DAP3: variants seen among roughly 807,000 people sequenced by gnomAD.
The protein encoded by DAP3 is small ribosomal subunit protein mS29.
A neutral mutation model predicts 51.9 loss-of-function variants in DAP3; 28 were observed. That is an observed-to-expected ratio of 0.54 (90% CI 0.40 to 0.74). The LOEUF (loss-of-function observed/expected upper bound fraction) is 0.74, where lower values mean the gene tolerates loss of function less well. Among genes scored for constraint, DAP3 ranks in the 30% least tolerant of loss-of-function variants. DAP3 has a pLI of 0.00. For missense variants in DAP3, 458 were observed against 483.5 expected, an observed-to-expected ratio of 0.95 and a Z score of 0.49; for synonymous variants, 170 against 170.3, an observed-to-expected ratio of 1.00 and a Z score of 0.01.
intron 12 of DAP3, 74 bp from the exon 13 acceptor site, chr1:155,738,083 G>C: frequency 6.8e-7 from 1 of 1,463,826 alleles, no homozygotes; most frequent in South Asian, 1.2e-5. Flanking sequence ...GGTAGCCTCT[G>C]ACTACACGAT....
At chr1:155,722,597 C>T (rs1020837930) in intron 4 of DAP3, among the ~76,000 whole-genome samples, 1 of 151,890 alleles carries the variant, frequency 6.6e-6, no homozygotes, top group African/African-American at 2.4e-5. Flanking sequence ...CCCTTCCACA[C>T]TGTGGAAGCT....
chr1:155,706,140 C>T (rs1444479055), intron 1 of DAP3, among the ~76,000 whole-genome samples: 1 of 152,176 alleles, frequency 6.6e-6, no homozygotes, highest in Admixed American at 6.5e-5. Context: ...GCTACGACTA[C>T]AGTCCTGCAC....
intron 11 of DAP3, chr1:155,732,320 T>C (rs9426933): frequency 0.45 from 86,402 of 192,008 alleles, 22,114 homozygotes; most frequent in African/African-American, 0.72. Flanking sequence ...ACCTCCGCCT[T>C]CCGGGTTCAA....
At chr1:155,701,466 GATGCTTGAAGGCAGC>G (rs1224111483) in intron 1 of DAP3, among the ~76,000 whole-genome samples, 2 of 112,824 alleles carry the variant, frequency 1.8e-5, no homozygotes, top group African/African-American at 7.8e-5. Flanking sequence ...TTGTTAAACA[GATGCTTGAAGGCAGC>G]ATGCTCGTTA....
intron 8 of DAP3, 32 bp downstream of exon 8, chr1:155,729,154 C>A (rs375216873): frequency 1.2e-4 from 194 of 1,613,846 alleles, no homozygotes; most frequent in Non-Finnish European, 1.6e-4. Context: ...GTGTAACATG[C>A]GATAACAAGA....
chr1:155,722,779 C>G (rs867245819), intron 4 of DAP3, among the ~76,000 whole-genome samples: 2 of 152,258 alleles, frequency 1.3e-5, no homozygotes, highest in Middle Eastern at 3.4e-3. Context: ...ACTCAGACAA[C>G]AGAGTGAGAC....
At chr1:155,698,523 C>T (rs1179777937) in intron 1 of DAP3, among the ~76,000 whole-genome samples, 2 of 152,174 alleles carry the variant, frequency 1.3e-5, no homozygotes, top group African/African-American at 4.8e-5. Context: ...AAACTCCTCT[C>T]TCTCCTCTGA....
rs911081247 is a variant in DAP3 at position 155,693,661 on chromosome 1, T to C, written c.-8+4487T>C. On this transcript the variant is annotated intron_variant, in intron 1 of 12. Transcript: ENST00000368336. Reference sequence around the variant, plus strand: ...GGAATTATTTTGAAGTACCACAGCGTGATCAGAGATGCAATCCTGGCCGGG... The same window carrying C: ...GGAATTATTTTGAAGTACCACAGCGCGATCAGAGATGCAATCCTGGCCGGG... Among the ~76,000 whole-genome samples the C allele has an allele frequency of 2.8e-5, 4 of 142,260 alleles. No homozygotes were observed. In the East Asian group the frequency reaches 7.7e-4, roughly 27 times the overall value. 93.3% of individuals were successfully genotyped at this position (142,260 alleles called of 152,430 possible).
At chr1:155,724,293 G>T (rs749806555) in intron 4 of DAP3, among the ~76,000 whole-genome samples, 1 of 152,070 alleles carries the variant, frequency 6.6e-6, no homozygotes, top group African/African-American at 2.4e-5. Context: ...CTCCTGAGCC[G>T]CCATGTATTT....
chr1:155,688,788 G>T, upstream of DAP3: 2 of 1,542,908 alleles, frequency 1.3e-6, no homozygotes, highest in Non-Finnish European at 1.7e-6. Flanking sequence ...CCTCGCGCGT[G>T]CGCCTCCCAC....
rs1571540151 is a variant in DAP3 at position 155,725,637 on chromosome 1, C to T, written c.379+147C>T. On this transcript the variant is annotated intron_variant, in intron 5 of 12. Transcript: ENST00000368336. ...CAGGAGTTTGGGAAGCCGAGGCAGG[C>T]GTATCGCCTGAAGTCAGGAGTTCAA... The T allele has an allele frequency of 1.1e-5, 9 of 785,838 alleles. No individual in the cohort carries two copies. In the East Asian group the frequency reaches 1.6e-4, roughly 14 times the overall value. 48.7% of individuals were successfully genotyped at this position (785,838 alleles called of 1,614,324 possible).
intron 1 of DAP3, among the ~76,000 whole-genome samples, chr1:155,708,605 G>A (rs1366187686): frequency 7.3e-6 from 1 of 137,544 alleles, no homozygotes; most frequent in Non-Finnish European, 1.5e-5. Context: ...ACAGTGGTGT[G>A]ATATCAGCTC....
chr1:155,732,064 A>T (rs915930780), intron 11 of DAP3, 31 bp downstream of exon 11: 1 of 1,563,890 alleles, frequency 6.4e-7, no homozygotes, highest in Admixed American at 1.8e-5. Context: ...GTTTCTACTT[A>T]GATTGTTATC....
intron 2 of DAP3, among the ~76,000 whole-genome samples, chr1:155,715,235 T>C: frequency 6.8e-6 from 1 of 147,004 alleles, no homozygotes; most frequent in South Asian, 2.1e-4. Flanking sequence ...AAAAGCTGCT[T>C]GGTGAGCCAG....
rs147691190 is a variant in DAP3, at chr1:155,725,460, T to G, written c.349T>G (p.Phe117Val). 1.2e-6 allele frequency: 2 copies of G among 1,614,032 alleles called. No homozygotes were observed. Among genetic ancestry groups the G allele is most frequent in the African/African-American group, 2.7e-5 (2 of 74,928 alleles). ...ELLHYLKNTS[F>V]AYPAIRYLLY... ...TCTGCATTACCTGAAAAACACCAGTTTTGCTTATCCAGCTATACGATATCT... is the reference window on the plus strand; with the variant it reads ...TCTGCATTACCTGAAAAACACCAGTGTTGCTTATCCAGCTATACGATATCT... Residue 117 changes from phenylalanine to valine, a missense_variant, in exon 5 of 13, where the codon TTT becomes GTT. Coordinates refer to ENST00000368336, the MANE Select transcript of DAP3 (RefSeq NM_004632.4).
rs1435547022 is a variant in DAP3 at position 155,690,589 on chromosome 1, G to A, written c.-8+1415G>A. ...GAAAAGCTGAGGAAATGCAAATAAA[G>A]TCTGCAATTTTTAAATAGTATTGTA... On this transcript the variant is annotated intron_variant, in intron 1 of 12. Transcript: ENST00000368336. Among the ~76,000 whole-genome samples the A allele has an allele frequency of 1.4e-5, 2 of 141,944 alleles. 1 individual carries two copies. Among genetic ancestry groups the A allele is most frequent in the African/African-American group, 6.4e-5 (2 of 31,472 alleles). 93.1% of individuals were successfully genotyped at this position (141,944 alleles called of 152,430 possible).
At position 155,704,752 on chromosome 1, in the gene DAP3, G is replaced by C. The variant is rs1655736074; in HGVS notation, c.-7-5021G>C. 2.0e-5 allele frequency among the ~76,000 whole-genome samples: 3 copies of C among 152,288 alleles called. No individual in the cohort carries two copies. In the South Asian group the frequency reaches 6.2e-4, roughly 32 times the overall value. On this transcript the variant is annotated intron_variant, in intron 1 of 12. Coordinates refer to ENST00000368336, the MANE Select transcript of DAP3 (RefSeq NM_004632.4). The stretch of plus-strand genomic sequence containing the variant: ...CCCAATACTTTGGGGGGCTGAGGCG[G>C]GAGGATCACTTAAGGTCAAAATTTT...
At chr1:155,705,237 G>C (rs1655804584) in intron 1 of DAP3, among the ~76,000 whole-genome samples, 1 of 152,006 alleles carries the variant, frequency 6.6e-6, no homozygotes, top group Non-Finnish European at 1.5e-5. Flanking sequence ...AGTGAGCTGT[G>C]ATTGTGCCAC....
At position 155,721,579 on chromosome 1, in the gene DAP3, T is replaced by G; in HGVS notation, c.231T>G (p.Thr77=). 1 of 1,614,120 alleles carries G rather than the reference T, an allele frequency of 6.2e-7. No homozygotes were observed. Among genetic ancestry groups the G allele is most frequent in the East Asian group, 2.2e-5 (1 of 44,882 alleles). Residue 77 remains threonine (T), a synonymous_variant, in exon 4 of 13, where the codon ACT becomes ACG. Transcript: ENST00000368336. ...HYNISPQDLE[T]VFPHGLPPRF... is the part of the protein sequence containing the mutation. ...ACATCTCCCCCCAGGATTTGGAGACTGTATTTCCCCATGGCCTTCCTCCTC... is the reference window on the plus strand; with the variant it reads ...ACATCTCCCCCCAGGATTTGGAGACGGTATTTCCCCATGGCCTTCCTCCTC...
Sources: gnomAD v4.1 joint callset for allele counts (sites outside exome capture counted in the v4.1 genomes callset) on GRCh38, gnomAD v4.1.1 for gene constraint, MANE v1.5 for transcripts, NCBI Gene and HGNC (gene_info 2026-07-23, HGNC 2026-07-21) for gene names.